TENM4: variants seen among roughly 807,000 people sequenced by gnomAD.
The protein encoded by TENM4 is teneurin-4.
A neutral mutation model predicts 243.3 loss-of-function variants in TENM4; 82 were observed. The ratio of observed to expected loss-of-function variants is 0.34; its 90% confidence interval spans 0.28 to 0.40. The LOEUF is 0.40. TENM4 is among the 10% of genes least tolerant of loss of function. The pLI is 1.00. For synonymous variants in TENM4, 1,412 were observed against 1,456.3 expected, an observed-to-expected ratio of 0.97 and a Z score of 0.69; for missense variants, 3,138 against 3,673.3, an observed-to-expected ratio of 0.85 and a Z score of 3.77.
chr11:79,436,758 C>T (rs902134837), intron 1 of TENM4, among the ~76,000 whole-genome samples: 1 of 152,182 alleles, frequency 6.6e-6, no homozygotes, highest in East Asian at 1.9e-4. Context: ...ACCTCCACCC[C>T]CAAACAGAGG....
intron 16 of TENM4, among the ~76,000 whole-genome samples, chr11:78,778,957 C>A (rs1426737071): frequency 6.6e-6 from 1 of 152,240 alleles, no homozygotes; most frequent in African/African-American, 2.4e-5. Flanking sequence ...CACACTCCTG[C>A]TCTGCCAGCT....
At chr11:79,220,115 TCCTGTGCCCTGGGCTGACCC>T (rs1864129524) in intron 2 of TENM4, among the ~76,000 whole-genome samples, 1 of 152,230 alleles carries the variant, frequency 6.6e-6, no homozygotes, top group Non-Finnish European at 1.5e-5. Flanking sequence ...AACTCAGCGT[TCCTGTGCCCTGGGCTGACCC>T]CCTGTTTAGG....
At chr11:79,186,242 G>A (rs1344389242) in intron 3 of TENM4, among the ~76,000 whole-genome samples, 3 of 152,118 alleles carry the variant, frequency 2.0e-5, no homozygotes, top group Non-Finnish European at 4.4e-5. Flanking sequence ...CAGGCTGGGA[G>A]TTATGGCTCA....
intron 3 of TENM4, among the ~76,000 whole-genome samples, chr11:79,201,407 A>G (rs1863733785): frequency 1.3e-5 from 2 of 151,790 alleles, no homozygotes; most frequent in East Asian, 1.9e-4. Flanking sequence ...ACCATCACTT[A>G]TCATCTCTGA....
chr11:78,744,876 A>G (rs1427606394), intron 19 of TENM4, among the ~76,000 whole-genome samples: 1 of 149,144 alleles, frequency 6.7e-6, no homozygotes, highest in East Asian at 2.0e-4. Flanking sequence ...ATCATTTTGA[A>G]TCTCTTAGTT....
At chr11:78,894,444 G>C (rs1855741933) in intron 7 of TENM4, among the ~76,000 whole-genome samples, 1 of 152,176 alleles carries the variant, frequency 6.6e-6, no homozygotes, top group Non-Finnish European at 1.5e-5. Flanking sequence ...CAAGTGACTG[G>C]AAAAACAGTG....
chr11:78,848,867 G>GA (rs36036085), intron 12 of TENM4, among the ~76,000 whole-genome samples: 49,841 of 151,892 alleles, frequency 0.33, 8,793 homozygotes, highest in Middle Eastern at 0.4. Flanking sequence ...AAGGAAGAAA[G>GA]AAACTAAATC....
intron 1 of TENM4, among the ~76,000 whole-genome samples, chr11:79,348,005 T>C (rs113613535): frequency 0.028 from 4,320 of 151,686 alleles, 216 homozygotes; most frequent in African/African-American, 0.097. Flanking sequence ...GGTCTCGATC[T>C]CCGGACCTCA....
intron 6 of TENM4, among the ~76,000 whole-genome samples, chr11:78,952,201 A>T (rs1173799178): frequency 6.6e-6 from 1 of 152,170 alleles, no homozygotes; most frequent in African/African-American, 2.4e-5. Flanking sequence ...TTTTTCCTCC[A>T]TATCACTCGA....
At chr11:78,841,125 T>G (rs1858249589) in intron 12 of TENM4, among the ~76,000 whole-genome samples, 1 of 152,208 alleles carries the variant, frequency 6.6e-6, no homozygotes, top group South Asian at 2.1e-4. Context: ...TATTTTACAA[T>G]TAACTCATTT....
chr11:78,661,500 G>A lies in TENM4; in HGVS notation c.7500C>T (p.Ser2500=). Reference sequence around the variant, plus strand: ...TCATCTGTGTGTGGATGAGCTCGTAGGAGGGTTCCATGGCATCCATGTCTG... The same window carrying A: ...TCATCTGTGTGTGGATGAGCTCGTAAGAGGGTTCCATGGCATCCATGTCTG... ...PKPDMDAMEP[S]YELIHTQMKT... is the part of the protein sequence containing the mutation. The change falls in exon 33 of 34, where the codon TCC becomes TCT. Residue 2500 remains serine, a synonymous_variant. Transcript: ENST00000278550. 6.2e-7 allele frequency: 1 copy of A among 1,612,190 alleles called. No homozygotes were observed.
intron 7 of TENM4, among the ~76,000 whole-genome samples, chr11:78,897,920 A>G (rs1265129046): frequency 6.6e-6 from 1 of 152,152 alleles, no homozygotes; most frequent in African/African-American, 2.4e-5. Context: ...CTTCCCTACC[A>G]GGCTTGAGAT....
intron 28 of TENM4, among the ~76,000 whole-genome samples, chr11:78,691,872 G>T (rs189306134): frequency 6.6e-6 from 1 of 152,272 alleles, no homozygotes; most frequent in Admixed American, 6.5e-5. Context: ...CAGAGCTTGG[G>T]AAATGACCTG....
intron 4 of TENM4, among the ~76,000 whole-genome samples, chr11:79,101,075 A>G (rs1381380759): frequency 6.6e-6 from 1 of 152,172 alleles, no homozygotes; most frequent in African/African-American, 2.4e-5. Flanking sequence ...GAGGGCAGCT[A>G]CCTGGGAAGA....
chr11:79,188,426 G>A (rs1392341194), intron 3 of TENM4, among the ~76,000 whole-genome samples: 1 of 152,086 alleles, frequency 6.6e-6, no homozygotes, highest in African/African-American at 2.4e-5. Context: ...AGGATTCATA[G>A]ACCCCAGCTT....
At chr11:78,865,361 C>A (rs1591082093) in intron 9 of TENM4, among the ~76,000 whole-genome samples, 1 of 152,220 alleles carries the variant, frequency 6.6e-6, no homozygotes, top group African/African-American at 2.4e-5. Context: ...TGAAAACATG[C>A]ACTGTCAGTC....
intron 9 of TENM4, among the ~76,000 whole-genome samples, 152 bp from the exon 10 acceptor site, chr11:78,863,284 C>T (rs1445372583): frequency 2.6e-5 from 4 of 152,216 alleles, no homozygotes; most frequent in Non-Finnish European, 4.4e-5. Context: ...TAGTGCCAGC[C>T]CTGCAAAGGA....
intron 19 of TENM4, among the ~76,000 whole-genome samples, chr11:78,744,610 C>T (rs891559433): frequency 1.3e-5 from 2 of 152,204 alleles, no homozygotes; most frequent in African/African-American, 4.8e-5. Flanking sequence ...TTTGTCTTGG[C>T]TTCACAATTC....
chr11:79,114,047 C>T (rs951444357), intron 4 of TENM4, among the ~76,000 whole-genome samples: 1 of 152,138 alleles, frequency 6.6e-6, no homozygotes, highest in Non-Finnish European at 1.5e-5. Flanking sequence ...CCCCTTAGTC[C>T]AGGACCTCCT....
Sources: allele counts gnomAD v4.1 joint callset (sites outside exome capture counted in the v4.1 genomes callset), GRCh38; gene constraint gnomAD v4.1.1; transcripts MANE v1.5; gene names NCBI Gene and HGNC (gene_info 2026-07-23, HGNC 2026-07-21).